HIPK4: variants seen among roughly 807,000 people sequenced by gnomAD.
The protein encoded by HIPK4 is homeodomain-interacting protein kinase 4.
Under a neutral mutation model 44.8 loss-of-function variants are expected in HIPK4, and 26 were observed. That is an observed-to-expected ratio of 0.58 (90% CI 0.43 to 0.80). HIPK4 has a LOEUF of 0.80. HIPK4 is among the 30% of genes least tolerant of loss of function. The pLI is 0.00. For synonymous variants in HIPK4, 340 were observed against 355.5 expected (o/e 0.96, Z 0.49); for missense variants, 729 against 862.6 (o/e 0.85, Z 1.94).
chr19:40,381,412 G>A (rs2079336199), intron 2 of HIPK4, among the ~76,000 whole-genome samples: 1 of 152,120 alleles, frequency 6.6e-6, no homozygotes, highest in Admixed American at 6.5e-5. Context: ...CAGCACCATG[G>A]GTGCAGCCCC....
Position 40,384,009 on chromosome 19 carries a change from C to T in HIPK4, c.596G>A (p.Trp199Ter). Residue 199 changes from tryptophan to a stop codon, truncating the protein, a stop_gained, in exon 2 of 4, where the codon TGG (tryptophan) becomes TAG (stop). Transcript: ENST00000291823. LOFTEE classifies it high-confidence loss of function. ...CTCAGCCATGACGCAGCCCAGGGAC[C>T]ACACGTCCACCTTCTCGCAGAAGGG... is the stretch of plus-strand genomic sequence containing the variant. ...GLPFCEKVDV[W>*]SLGCVMAELH... 1 of 1,614,148 alleles carries T rather than the reference C, an allele frequency of 6.2e-7. No individual in the cohort carries two copies. Among genetic ancestry groups the T allele is most frequent in the Non-Finnish European group, 8.5e-7 (1 of 1,179,986 alleles).
Position 40,379,390 on chromosome 19 carries a change from C to T in HIPK4, c.*197G>A, listed in dbSNP as rs540099345. ...TGGCCAAGGAGCATGGGCCAGACTC[C>T]AAAGCCCTGCTGTGTTTAGGAGAGG... On this transcript the variant is annotated 3_prime_UTR_variant, in exon 4 of 4. Coordinates refer to ENST00000291823, the MANE Select transcript of HIPK4 (RefSeq NM_144685.5). The T allele has an allele frequency of 2.8e-5, 16 of 564,172 alleles. No homozygotes were observed. In the African/African-American group the frequency reaches 2.9e-4, roughly 10 times the overall value. The allele number at this position is 564,172 out of a possible 1,614,324, so 34.9% of individuals were successfully genotyped here.
intron 1 of HIPK4, among the ~76,000 whole-genome samples, chr19:40,387,308 T>G (rs1196235465): frequency 6.6e-6 from 1 of 152,158 alleles, no homozygotes; most frequent in Non-Finnish European, 1.5e-5. Flanking sequence ...GTCTTCCTCT[T>G]CAGGCACTGT....
intron 1 of HIPK4, among the ~76,000 whole-genome samples, chr19:40,387,385 G>A (rs1029858154): frequency 2.7e-4 from 41 of 152,124 alleles, no homozygotes; most frequent in African/African-American, 9.7e-4. Context: ...CCAACATTGC[G>A]AATGGCCGAA....
intron 1 of HIPK4, among the ~76,000 whole-genome samples, chr19:40,386,201 C>T (rs892203477): frequency 6.6e-5 from 10 of 152,134 alleles, no homozygotes; most frequent in African/African-American, 2.2e-4. Flanking sequence ...TCCTGAGTAG[C>T]TGGGATTACA....
rs2079334329 is a variant in HIPK4 at position 40,381,112 on chromosome 19, T to C, written c.879A>G (p.Thr293=). The C allele has an allele frequency of 6.2e-7, 1 of 1,609,610 alleles. No individual in the cohort carries two copies. Among genetic ancestry groups the C allele is most frequent in the East Asian group, 2.2e-5 (1 of 44,884 alleles). The change falls in exon 3 of 4, where the codon ACA becomes ACG. Residue 293 remains threonine, a synonymous_variant. Coordinates refer to ENST00000291823, the MANE Select transcript of HIPK4 (RefSeq NM_144685.5). ...GACTGGCCACACTGCCACCATTCAC[T>C]GTCTCAATCTGGTCCAACGACTTGA... ...YMLKSLDQIE[T]VNGGSVASRL...
At position 40,389,651 on chromosome 19, in the gene HIPK4, C is replaced by T. The variant is rs55879504; in HGVS notation, c.252G>A (p.Lys84=). Residue 84 remains lysine (K), a synonymous_variant, in exon 1 of 4, where the codon AAG becomes AAA. Coordinates refer to ENST00000291823, the MANE Select transcript of HIPK4 (RefSeq NM_144685.5). This position sits in a 1 kb window ranked among gnomAD's most constrained non-coding sequence, Gnocchi z 4.6. ...CCAGCAGCTCAAAGACCAGGTAGAA[C>T]TTGAGGGCGTCATGGAAGAACTCAA... is the stretch of plus-strand genomic sequence containing the variant. The part of the protein sequence containing the change: ...RFLEFFHDAL[K]FYLVFELLEQ... 3.2e-4 allele frequency: 524 copies of T among 1,614,180 alleles called. 3 individuals are homozygous for T. In the East Asian group the frequency reaches 0.011, roughly 32 times the overall value.
intron 2 of HIPK4, among the ~76,000 whole-genome samples, chr19:40,382,223 C>G (rs2079340542): frequency 6.6e-6 from 1 of 152,088 alleles, no homozygotes; most frequent in South Asian, 2.1e-4. Flanking sequence ...CCACCTCAGC[C>G]TCCCAAGTAG....
At position 40,389,495 on chromosome 19, in the gene HIPK4, ATC is replaced by A. The variant is rs760558795; in HGVS notation, c.406_407del (p.Asp136SerfsTer4). On this transcript the variant is annotated frameshift_variant, in exon 1 of 4. Transcript: ENST00000291823. LOFTEE classifies it high-confidence loss of function. The surrounding 1 kb of genome is among the most constrained non-coding windows in gnomAD (Gnocchi z 4.6). The part of the protein sequence containing the change: ...RLKELAIIHA[D>X]LKPENIMLVD... ...CCAGCATGATGTTCTCAGGCTTGAGATCAGCGTGGATGATAGCCAGCTCCTTG... is the reference window on the plus strand; with the variant it reads ...CCAGCATGATGTTCTCAGGCTTGAGAAGCGTGGATGATAGCCAGCTCCTTG... 2.5e-6 allele frequency: 4 copies of A among 1,612,184 alleles called. No homozygotes were observed. Among genetic ancestry groups the A allele is most frequent in the Non-Finnish European group, 3.4e-6 (4 of 1,178,678 alleles).
At chr19:40,382,113 C>CT (rs546226666) in intron 2 of HIPK4, among the ~76,000 whole-genome samples, 4 of 151,540 alleles carry the variant, frequency 2.6e-5, no homozygotes, top group Admixed American at 1.3e-4. Flanking sequence ...GCCTTAGATC[C>CT]TTTTTTTTAA....
intron 1 of HIPK4, among the ~76,000 whole-genome samples, chr19:40,385,573 G>T (rs573717945): frequency 2.6e-5 from 4 of 151,376 alleles, no homozygotes; most frequent in African/African-American, 9.7e-5. Flanking sequence ...AAAAAAAAAT[G>T]ATCACCTTCT....
In HIPK4 at chr19:40,380,317, G is replaced by A. The variant is rs752179894; in HGVS notation, c.1668+6C>T. On this transcript the variant is annotated splice_donor_region_variant and intron_variant, in intron 3 of 3. Transcript: ENST00000291823. The surrounding 1 kb of genome is among the most constrained non-coding windows in gnomAD (Gnocchi z 4.2). ...CCTAATCGTATCCTGAACGCACCCG[G>A]CTCACCTCAGCTTCCATGGTCATGT... 3 of 1,611,434 alleles carry A rather than the reference G, an allele frequency of 1.9e-6. No homozygotes were observed. Among genetic ancestry groups the A allele is most frequent in the East Asian group, 4.5e-5 (2 of 44,788 alleles).
At position 40,383,787 on chromosome 19, in the gene HIPK4, G is replaced by C. The variant is rs200281362; in HGVS notation, c.818C>G (p.Thr273Arg). 4 of 1,601,704 alleles carry C rather than the reference G, an allele frequency of 2.5e-6. No individual in the cohort carries two copies. The highest frequency in any genetic ancestry group is 1.3e-5 in the African/African-American group (1 of 74,642). Residue 273 changes from threonine to arginine, a missense_variant, in exon 2 of 4, where the codon ACG becomes AGG. Physicochemically the swap from Thr to Arg is moderately conservative, Grantham distance 71 (BLOSUM62 -1). Around this residue, in one of 2 missense-constraint regions of HIPK4, gnomAD observed 533 missense variants for 567.5 expected, o/e 0.94. Coordinates refer to ENST00000291823, the MANE Select transcript of HIPK4 (RefSeq NM_144685.5). ...CTCACCCAACTTTTCCCTTACCTTCGTCTCGGCCAGGTAGTCAGCCGAGGA... is the reference window on the plus strand; with the variant it reads ...CTCACCCAACTTTTCCCTTACCTTCCTCTCGGCCAGGTAGTCAGCCGAGGA... ...LKSSADYLAE[T>R]KVRPLERRKY... is the part of the protein sequence containing the mutation.
At chr19:40,382,245 C>T (rs745821287) in intron 2 of HIPK4, among the ~76,000 whole-genome samples, 7 of 152,056 alleles carry the variant, frequency 4.6e-5, no homozygotes, top group South Asian at 2.1e-4. Context: ...TTGGAACTAC[C>T]GGTGTGTGCC....
At position 40,379,431 on chromosome 19, in the gene HIPK4, C is replaced by T. The variant is rs1477738864; in HGVS notation, c.*156G>A. ...TTAGGAGAGGTGTGCAGGCACGCAC[C>T]GCACCGCAGACGGGGAATGAGAATT... On this transcript the variant is annotated 3_prime_UTR_variant, in exon 4 of 4. Transcript: ENST00000291823. The T allele has an allele frequency of 1.0e-5, 7 of 679,156 alleles. No individual in the cohort carries two copies. Among genetic ancestry groups the T allele is most frequent in the South Asian group, 6.2e-5 (3 of 48,546 alleles). 42.1% of individuals were successfully genotyped at this position (679,156 alleles called of 1,614,324 possible).
At chr19:40,385,686 T>TC in intron 1 of HIPK4, among the ~76,000 whole-genome samples, 1 of 121,696 alleles carries the variant, frequency 8.2e-6, no homozygotes, top group East Asian at 2.1e-4. Flanking sequence ...TTCTTTTCTT[T>TC]TTTTTTTTTT....
intron 2 of HIPK4, among the ~76,000 whole-genome samples, chr19:40,381,396 C>G (rs531479543): frequency 6.6e-6 from 1 of 152,304 alleles, no homozygotes; most frequent in African/African-American, 2.4e-5. Context: ...GACCTCCAGT[C>G]CCCTTCAGCA....
Position 40,380,220 on chromosome 19 carries a change from G to C in HIPK4, c.1668+103C>G. 1 of 1,400,442 alleles carries C rather than the reference G, an allele frequency of 7.1e-7. No individual in the cohort carries two copies. The highest frequency in any genetic ancestry group is 9.7e-7 in the Non-Finnish European group (1 of 1,035,252). The allele number at this position is 1,400,442 out of a possible 1,614,324, so 86.8% of individuals were successfully genotyped here. On this transcript the variant is annotated intron_variant, in intron 3 of 3. Coordinates refer to ENST00000291823, the MANE Select transcript of HIPK4 (RefSeq NM_144685.5). This position sits in a 1 kb window ranked among gnomAD's most constrained non-coding sequence, Gnocchi z 4.2. ...CTAATTGTATCCTGAACATGGGTGA[G>C]TGTGTGTTGAGCCTCCTCACACACT...
chr19:40,383,730 T>C (rs2079348539), intron 2 of HIPK4, 53 bp downstream of exon 2: 1 of 1,423,924 alleles, frequency 7.0e-7, no homozygotes, highest in Non-Finnish European at 9.6e-7. Flanking sequence ...CCTAGAATTT[T>C]TTTTCATGTA....
Sources: allele counts gnomAD v4.1 joint callset (sites outside exome capture counted in the v4.1 genomes callset), GRCh38; gene constraint gnomAD v4.1.1; regional missense constraint gnomAD v4.1.1; non-coding constraint Gnocchi (gnomAD v3.1); transcripts MANE v1.5; gene names NCBI Gene and HGNC (gene_info 2026-07-23, HGNC 2026-07-21).